The following GTPBP2 variants were observed in gnomAD, a reference collection of about 807,000 sequenced individuals.
GTPBP2 encodes GTP binding protein 2, also known as GTP-binding protein 2.
A neutral mutation model predicts 63.0 loss-of-function variants in GTPBP2; 32 were observed. The ratio of observed to expected loss-of-function variants is 0.51; its 90% CI spans 0.38 to 0.68. The LOEUF (loss-of-function observed/expected upper bound fraction) is 0.68. Ranked by LOEUF, GTPBP2 falls within the 30% of genes least tolerant of loss-of-function variation. The probability of loss-of-function intolerance (pLI) is 0.00; values close to 1 mark genes in which losing one functional copy is unlikely to be tolerated. For missense variants in GTPBP2, 492 were observed against 796.9 expected (o/e 0.62, Z 4.61); for synonymous variants, 310 against 322.6 (o/e 0.96, Z 0.42).
rs1269743498 is a variant in GTPBP2, at chr6:43,629,215, T to G, written c.-53A>C. The G allele has an allele frequency of 1.7e-6, 2 of 1,192,916 alleles. No individual in the cohort carries two copies. The highest frequency in any genetic ancestry group is 7.5e-5 in the East Asian group (2 of 26,572). 73.9% of individuals were successfully genotyped at this position (1,192,916 alleles called of 1,614,324 possible). On this transcript the variant is annotated 5_prime_UTR_variant, in exon 1 of 12. Transcript: ENST00000307126. ...GCCCCTCCCCCGACCGCCGCCGCCG[T>G]CGCCGCCGCCCTTACTGCCACTGCC...
Position 43,629,138 on chromosome 6 carries a change from A to C in GTPBP2, c.25T>G (p.Phe9Val). MDSRVSEL[F>V]GGCCRPGGGP... ...CCTCCGGGCCGGCAGCAGCCGCCGAACAGCTCCGATACCCGCGAGTCCATC... is the reference window on the plus strand; with the variant it reads ...CCTCCGGGCCGGCAGCAGCCGCCGACCAGCTCCGATACCCGCGAGTCCATC... The change falls in exon 1 of 12, where the codon TTC becomes GTC. Residue 9 changes from phenylalanine to valine, a missense_variant. This residue lies in a region of GTPBP2 where 92 missense variants were observed against 86.1 expected (regional missense o/e 1.07). Coordinates refer to ENST00000307126, the MANE Select transcript of GTPBP2 (RefSeq NM_019096.5). 3 of 1,514,250 alleles carry C rather than the reference A, an allele frequency of 2.0e-6. No individual in the cohort carries two copies. The highest frequency in any genetic ancestry group is 2.6e-6 in the Non-Finnish European group (3 of 1,137,424). 93.8% of individuals were successfully genotyped at this position (1,514,250 alleles called of 1,614,324 possible).
Position 43,625,081 on chromosome 6 carries a change from C to A in GTPBP2, c.706-19G>T, listed in dbSNP as rs1325757425. 2 of 1,610,962 alleles carry A rather than the reference C, an allele frequency of 1.2e-6. No homozygotes were observed. Among genetic ancestry groups the A allele is most frequent in the East Asian group, 2.2e-5 (1 of 44,872 alleles). On this transcript the variant is annotated intron_variant, in intron 5 of 11. Coordinates refer to ENST00000307126, the MANE Select transcript of GTPBP2 (RefSeq NM_019096.5). The surrounding 1 kb of genome is among the most constrained non-coding windows in gnomAD (Gnocchi z 5.1). ...TCACCACCTGGCCCAGGGCCCAGGG[C>A]CCTCAGTGCCTCCTGCCAGCCCTTC...
chr6:43,623,282 C>T (rs1282298500), intron 9 of GTPBP2: 1 of 177,578 alleles, frequency 5.6e-6, no homozygotes, highest in Non-Finnish European at 1.2e-5. Flanking sequence ...ATTCCAGCTA[C>T]TCAAGGCTGA....
Position 43,625,644 on chromosome 6 carries a change from G to C in GTPBP2, c.508-84C>G, listed in dbSNP as rs1769246071. 2.1e-6 allele frequency: 3 copies of C among 1,415,708 alleles called. No homozygotes were observed. The South Asian group carries it at 3.5e-5, about 16-fold the overall frequency. 87.7% of individuals were successfully genotyped at this position (1,415,708 alleles called of 1,614,324 possible). ...GGGTCAAGGGCAGTGACGCTCCCTA[G>C]GGAGCAAGTGATGAACTGGAAGCCC... On this transcript the variant is annotated intron_variant, in intron 4 of 11. Coordinates refer to ENST00000307126, the MANE Select transcript of GTPBP2 (RefSeq NM_019096.5). The surrounding 1 kb of genome is among the most constrained non-coding windows in gnomAD (Gnocchi z 5.1).
rs1195863949 is a variant in GTPBP2, at chr6:43,624,364, G to A, written c.1100+146C>T. The A allele has an allele frequency of 1.3e-5, 9 of 670,816 alleles. No homozygotes were observed. Among genetic ancestry groups the A allele is most frequent in the Non-Finnish European group, 5.2e-6 (2 of 384,234 alleles). 41.6% of individuals were successfully genotyped at this position (670,816 alleles called of 1,614,324 possible). A position where few individuals can be genotyped will look rare whatever the true frequency, so the allele number is the denominator to read the frequency against. The stretch of plus-strand genomic sequence containing the variant: ...GGAGGGTCAAGCCCTTTAGCAAGAT[G>A]CCCCTCCACAATCCCAAGCTGAAAC... On this transcript the variant is annotated intron_variant, in intron 7 of 11. Coordinates refer to ENST00000307126, the MANE Select transcript of GTPBP2 (RefSeq NM_019096.5). The surrounding 1 kb of genome is among the most constrained non-coding windows in gnomAD (Gnocchi z 5.1).
Position 43,629,073 on chromosome 6 carries a change from G to C in GTPBP2, c.90C>G (p.Ala30=). 6.3e-7 allele frequency: 1 copy of C among 1,599,692 alleles called. No individual in the cohort carries two copies. Among genetic ancestry groups the C allele is most frequent in the Non-Finnish European group, 8.5e-7 (1 of 1,173,450 alleles). Reference sequence around the variant, plus strand: ...GCCCCCCGCAGCCGCTGCTGCTGCCGGCCCCCCTAGCCTTGAGGGTTCCGC... The same window carrying C: ...GCCCCCCGCAGCCGCTGCTGCTGCCCGCCCCCCTAGCCTTGAGGGTTCCGC... The part of the protein sequence containing the change: ...AVGGTLKARG[A]GSSSGCGGPK... Residue 30 remains alanine (A), a synonymous_variant, in exon 1 of 12, where the codon GCC becomes GCG. Transcript: ENST00000307126.
Position 43,621,124 on chromosome 6 carries a change from C to G in GTPBP2, c.*490G>C, listed in dbSNP as rs1768688758. 3.2e-6 allele frequency: 1 copy of G among 313,046 alleles called. No homozygotes were observed. The highest frequency in any genetic ancestry group is 2.2e-5 in the African/African-American group (1 of 46,230). The allele number at this position is 313,046 out of a possible 1,614,324, so 19.4% of individuals were successfully genotyped here. ...TTCTTCAGACTCTGGGCCGCCACCA[C>G]CACCAGATGGCCAAGAGCAGATAAC... On this transcript the variant is annotated 3_prime_UTR_variant, in exon 12 of 12. Transcript: ENST00000307126.
rs1769226322 is a variant in GTPBP2, at chr6:43,625,460, C to T, written c.608G>A (p.Arg203Gln). 3.1e-6 allele frequency: 5 copies of T among 1,614,024 alleles called. No homozygotes were observed. Among genetic ancestry groups the T allele is most frequent in the Non-Finnish European group, 2.5e-6 (3 of 1,179,946 alleles). Residue 203 changes from arginine (R) to glutamine (Q), a missense_variant, in exon 5 of 12, where the codon CGG (arginine) becomes CAG (glutamine). Coordinates refer to ENST00000307126, the MANE Select transcript of GTPBP2 (RefSeq NM_019096.5). The surrounding 1 kb of genome is among the most constrained non-coding windows in gnomAD (Gnocchi z 5.1). ...GTGGCGGAAAAGGTTGAGCCGAGCC[C>T]GGCCCCGCCCATTGTCCAGCTCTCC... ...TQGELDNGRG[R>Q]ARLNLFRHLH... is the part of the protein sequence containing the mutation.
rs1768858970 is a variant in GTPBP2 at position 43,622,523 on chromosome 6, T to A, written c.1467+110A>T. The A allele has an allele frequency of 3.0e-6, 3 of 1,014,292 alleles. No homozygotes were observed. Among genetic ancestry groups the A allele is most frequent in the Admixed American group, 2.3e-5 (1 of 43,906 alleles). 62.8% of individuals were successfully genotyped at this position (1,014,292 alleles called of 1,614,324 possible). On this transcript the variant is annotated intron_variant, in intron 10 of 11. Coordinates refer to ENST00000307126, the MANE Select transcript of GTPBP2 (RefSeq NM_019096.5). This position sits in a 1 kb window ranked among gnomAD's most constrained non-coding sequence, Gnocchi z 5.4. ...ACCAGAAGCTTCTTGGGTCAGAGAG[T>A]GTGTTTCCTCTGAGTTTCTCTGAAG...
Position 43,629,195 on chromosome 6 carries a change from T to G in GTPBP2, c.-33A>C. 2 of 807,378 alleles carry G rather than the reference T, an allele frequency of 2.5e-6. No homozygotes were observed. The highest frequency in any genetic ancestry group is 3.0e-6 in the Non-Finnish European group (2 of 675,602). The allele number at this position is 807,378 out of a possible 1,614,324, so 50.0% of individuals were successfully genotyped here. A position where few individuals can be genotyped will look rare whatever the true frequency, so the allele number is the denominator to read the frequency against. On this transcript the variant is annotated 5_prime_UTR_variant, in exon 1 of 12. Coordinates refer to ENST00000307126, the MANE Select transcript of GTPBP2 (RefSeq NM_019096.5). ...TGCCGCCAGCCCCCCGCCCGGCCCC[T>G]CCCCCGACCGCCGCCGCCGTCGCCG...
chr6:43,624,558 G>C lies in GTPBP2; in HGVS notation c.1052C>G (p.Ser351Cys). 1.9e-6 allele frequency: 3 copies of C among 1,614,134 alleles called. No homozygotes were observed. The highest frequency in any genetic ancestry group is 2.5e-6 in the Non-Finnish European group (3 of 1,180,012). Residue 351 changes from serine (S) to cysteine (C), a missense_variant, in exon 7 of 12, where the codon TCT (serine) becomes TGT (cysteine). Ser to Cys is a moderately radical substitution (Grantham distance 112). Transcript: ENST00000307126. This position sits in a 1 kb window ranked among gnomAD's most constrained non-coding sequence, Gnocchi z 5.1. ...GCHKVPMLVT[S>C]EDDAVTAAQQ... ...GGCAGCAGTGACGGCATCATCCTCA[G>C]AGGTGACCAGCATGGGGACCTTGTG...
In GTPBP2 at chr6:43,622,062, C is replaced by G. The variant is rs1317371890; in HGVS notation, c.1573G>C (p.Val525Leu). 1 of 1,614,076 alleles carries G rather than the reference C, an allele frequency of 6.2e-7. No individual in the cohort carries two copies. The highest frequency in any genetic ancestry group is 8.5e-7 in the Non-Finnish European group (1 of 1,180,042). The change falls in exon 11 of 12, where the codon GTG (valine) becomes CTG (leucine). Residue 525 changes from valine (V) to leucine (L), a missense_variant. By Grantham distance (32) the Val-to-Leu change is conservative (BLOSUM62 1). This residue lies in a region of GTPBP2 where 400 missense variants were observed against 710.8 expected (regional missense o/e 0.56). Transcript: ENST00000307126. This position sits in a 1 kb window ranked among gnomAD's most constrained non-coding sequence, Gnocchi z 5.4. The part of the protein sequence containing the change: ...HATTFRRGFQ[V>L]TVHVGNVRQT... ...CGTACGTTGCCCACGTGTACTGTCA[C>G]CTGGAATCCTCGTCGGAAGGTGGTG...
In GTPBP2 at chr6:43,629,157, G is replaced by A; in HGVS notation, c.6C>T (p.Asp2=). 2 of 1,441,042 alleles carry A rather than the reference G, an allele frequency of 1.4e-6. No homozygotes were observed. Among genetic ancestry groups the A allele is most frequent in the Non-Finnish European group, 1.8e-6 (2 of 1,106,378 alleles). The allele number at this position is 1,441,042 out of a possible 1,614,324, so 89.3% of individuals were successfully genotyped here. The change falls in exon 1 of 12, where the codon GAC becomes GAT. Residue 2 remains aspartate (D), a synonymous_variant. Transcript: ENST00000307126. ...CGCCGAACAGCTCCGATACCCGCGA[G>A]TCCATCCGCCGCTGCCGCCAGCCCC... M[D]SRVSELFGGC...
chr6:43,628,855 T>C, intron 1 of GTPBP2, 122 bp downstream of exon 1: 1 of 1,077,386 alleles, frequency 9.3e-7, no homozygotes. Flanking sequence ...TCTCCTCCCG[T>C]GCCCCTCCTC....
In GTPBP2 at chr6:43,622,490, G is replaced by A. The variant is rs959723175; in HGVS notation, c.1467+143C>T. 1.0e-5 allele frequency: 8 copies of A among 776,986 alleles called. No individual in the cohort carries two copies. Among genetic ancestry groups the A allele is most frequent in the African/African-American group, 5.2e-5 (3 of 57,504 alleles). The allele number at this position is 776,986 out of a possible 1,614,324, so 48.1% of individuals were successfully genotyped here. A position where few individuals can be genotyped will look rare whatever the true frequency, so the allele number is the denominator to read the frequency against. On this transcript the variant is annotated intron_variant, in intron 10 of 11. Coordinates refer to ENST00000307126, the MANE Select transcript of GTPBP2 (RefSeq NM_019096.5). This position sits in a 1 kb window ranked among gnomAD's most constrained non-coding sequence, Gnocchi z 5.4. ...ACGTTAAGCTGTTTTTATAGTCTAC[G>A]TAGCTAGACCAGAAGCTTCTTGGGT...
intron 1 of GTPBP2, chr6:43,628,720 CT>C: frequency 1.4e-6 from 1 of 724,148 alleles, no homozygotes; most frequent in Non-Finnish European, 2.5e-6. Flanking sequence ...CTCTACTTCT[CT>C]CCTGGGGTAA....
chr6:43,628,689 G>A, intron 1 of GTPBP2: 1 of 710,940 alleles, frequency 1.4e-6, no homozygotes, highest in South Asian at 1.5e-5. Context: ...TGGTCGGGGT[G>A]CTCTTCCTGG....
Position 43,626,181 on chromosome 6 carries a change from C to A in GTPBP2, c.398+45G>T. On this transcript the variant is annotated intron_variant, in intron 3 of 11. Transcript: ENST00000307126. The surrounding 1 kb of genome is among the most constrained non-coding windows in gnomAD (Gnocchi z 4.0). ...TAGGTAACTGGGTATGCATGGGTCC[C>A]CCCAAGTCAGGTAAAGGAGAACTGG... is the stretch of plus-strand genomic sequence containing the variant. 6.3e-7 allele frequency: 1 copy of A among 1,575,952 alleles called. No homozygotes were observed. The highest frequency in any genetic ancestry group is 8.7e-7 in the Non-Finnish European group (1 of 1,149,482).
chr6:43,628,440 A>G, intron 1 of GTPBP2: 1 of 471,208 alleles, frequency 2.1e-6, no homozygotes, highest in Non-Finnish European at 2.8e-6. Flanking sequence ...GATTCGATAC[A>G]TGCCAAAGTT....
Sources: allele counts gnomAD v4.1 joint callset, GRCh38; gene constraint gnomAD v4.1.1; regional missense constraint gnomAD v4.1.1; non-coding constraint Gnocchi (gnomAD v3.1); transcripts MANE v1.5; gene names NCBI Gene and HGNC (gene_info 2026-07-23, HGNC 2026-07-21).